The following CNKSR3 variants were observed in gnomAD, a reference collection of about 807,000 sequenced individuals.
The protein encoded by CNKSR3 is connector enhancer of kinase suppressor of ras 3.
A neutral mutation model predicts 67.7 loss-of-function variants in CNKSR3; 36 were observed. The ratio of observed to expected loss-of-function variants is 0.53; its 90% CI spans 0.41 to 0.70. The LOEUF (loss-of-function observed/expected upper bound fraction) is 0.70. Ranked by LOEUF, CNKSR3 falls within the 30% of genes least tolerant of loss-of-function variation. The probability of loss-of-function intolerance (pLI) is 0.00; values close to 1 mark genes in which losing one functional copy is unlikely to be tolerated. For synonymous variants in CNKSR3, 281 were observed against 271.4 expected (o/e 1.04, Z -0.35); for missense variants, 630 against 695.2 (o/e 0.91, Z 1.05).
chr6:154,450,673 A>C (rs56359828), intron 1 of CNKSR3, among the ~76,000 whole-genome samples: 90 of 152,318 alleles, frequency 5.9e-4, no homozygotes, highest in African/African-American at 2.1e-3. Flanking sequence ...TGGGTGGCAC[A>C]TGGCCAGGTC....
chr6:154,509,779 C>A (rs1369038360), intron 1 of CNKSR3, among the ~76,000 whole-genome samples: 2 of 152,164 alleles, frequency 1.3e-5, no homozygotes, highest in East Asian at 3.9e-4. Flanking sequence ...GTCCCGAGAT[C>A]GGCATCCCCA....
At chr6:154,486,746 G>A (rs1180364350) in intron 1 of CNKSR3, among the ~76,000 whole-genome samples, 4 of 151,872 alleles carry the variant, frequency 2.6e-5, no homozygotes, top group East Asian at 1.9e-4. Context: ...CGCTTGCCTC[G>A]GCCTCCCAAA....
intron 2 of CNKSR3, among the ~76,000 whole-genome samples, chr6:154,448,464 C>T (rs565568014): frequency 6.8e-5 from 10 of 146,770 alleles, no homozygotes; most frequent in Admixed American, 1.4e-4. Flanking sequence ...AATACAGTTT[C>T]GGTAATAAAC....
chr6:154,422,976 G>A lies in CNKSR3; in HGVS notation c.737C>T (p.Ala246Val). ...VITGTTENSP[A>V]DRSQKIHAGD... ...AGCATGAATCTTCTGAGATCTGTCTGCAGGAGACTGTACAGAAACAAAATA... is the reference window on the plus strand; with the variant it reads ...AGCATGAATCTTCTGAGATCTGTCTACAGGAGACTGTACAGAAACAAAATA... Residue 246 changes from alanine to valine, a missense_variant, in exon 8 of 13, where the codon GCA (alanine) becomes GTA (valine). Ala to Val is a moderately conservative substitution (Grantham distance 64). This residue lies in a region of CNKSR3 where 133 missense variants were observed against 190.6 expected (regional missense o/e 0.70). Coordinates refer to ENST00000607772, the MANE Select transcript of CNKSR3 (RefSeq NM_173515.4). 6.2e-7 allele frequency: 1 copy of A among 1,607,442 alleles called. No homozygotes were observed. Among genetic ancestry groups the A allele is most frequent in the Non-Finnish European group, 8.5e-7 (1 of 1,175,456 alleles).
At chr6:154,498,235 A>T (rs1238546123) in intron 1 of CNKSR3, among the ~76,000 whole-genome samples, 1 of 152,242 alleles carries the variant, frequency 6.6e-6, no homozygotes, top group Non-Finnish European at 1.5e-5. Context: ...ATTACTATGC[A>T]GCCAATTTTA....
At chr6:154,432,136 C>T (rs1429655368) in intron 5 of CNKSR3, among the ~76,000 whole-genome samples, 8 of 152,196 alleles carry the variant, frequency 5.3e-5, no homozygotes, top group African/African-American at 1.2e-4. Flanking sequence ...AATTAACGAG[C>T]GTTCCTGTTG....
chr6:154,476,178 C>T lies in CNKSR3; in HGVS notation c.53-25920G>A, dbSNP rs1039603255. On this transcript the variant is annotated intron_variant, in intron 1 of 12. Transcript: ENST00000607772. ...GGCCTTCTAAGACAGACCTTCGGGC[C>T]GGGCGCGGTGGCTCACACCTGTAAT... is the stretch of plus-strand genomic sequence containing the variant. Among the ~76,000 whole-genome samples, 5 of 152,028 alleles carry T rather than the reference C, an allele frequency of 3.3e-5. No individual in the cohort carries two copies. The South Asian group carries it at 6.2e-4, about 19-fold the overall frequency.
chr6:154,439,850 C>A (rs1459347522), intron 4 of CNKSR3, among the ~76,000 whole-genome samples: 1 of 152,070 alleles, frequency 6.6e-6, no homozygotes, highest in Non-Finnish European at 1.5e-5. Context: ...ACGATTACAC[C>A]CCTGCACTTC....
chr6:154,498,565 CT>C (rs1487090425), intron 1 of CNKSR3, among the ~76,000 whole-genome samples: 1 of 152,226 alleles, frequency 6.6e-6, no homozygotes, highest in African/African-American at 2.4e-5. Flanking sequence ...CACACTGCAA[CT>C]TCTGACATTG....
intron 1 of CNKSR3, among the ~76,000 whole-genome samples, chr6:154,467,790 G>A (rs1338236364): frequency 6.6e-6 from 1 of 151,118 alleles, no homozygotes; most frequent in African/African-American, 2.4e-5. Flanking sequence ...ATGGAGTCTC[G>A]CTCTTGTCGC....
chr6:154,439,137 C>T (rs1173897761), intron 4 of CNKSR3, among the ~76,000 whole-genome samples: 1 of 152,132 alleles, frequency 6.6e-6, no homozygotes, highest in South Asian at 2.1e-4. Flanking sequence ...TCCCCTCACT[C>T]CTTCCTGTGC....
chr6:154,400,104 T>TCAC lies in CNKSR3; in HGVS notation c.*6249_*6250insGTG. 6.6e-6 allele frequency: 1 copy of TCAC among 152,194 alleles called. No individual in the cohort carries two copies. The highest frequency in any genetic ancestry group is 1.9e-4 in the East Asian group (1 of 5,204). 9.4% of individuals were successfully genotyped at this position (152,194 alleles called of 1,614,324 possible). ...CCTTTGAGGTTTATTTCTTAATTTT[T>TCAC]TTCCTCCAACTTCAGTTTCACAACT... On this transcript the variant is annotated 3_prime_UTR_variant, in exon 13 of 13. Coordinates refer to ENST00000607772, the MANE Select transcript of CNKSR3 (RefSeq NM_173515.4).
rs922494736 is a variant in CNKSR3, at chr6:154,456,357, T to C, written c.53-6099A>G. Among the ~76,000 whole-genome samples the C allele has an allele frequency of 2.0e-5, 3 of 151,958 alleles. No individual in the cohort carries two copies. The East Asian group carries it at 5.8e-4, about 29-fold the overall frequency. Reference sequence around the variant, plus strand: ...TAATGATTAAATTCAGAAATCAGTTTAGCTAAAGCTTGTAGACTCTCATCT... The same window carrying C: ...TAATGATTAAATTCAGAAATCAGTTCAGCTAAAGCTTGTAGACTCTCATCT... On this transcript the variant is annotated intron_variant, in intron 1 of 12. Transcript: ENST00000607772.
At chr6:154,493,670 G>A (rs1786823730) in intron 1 of CNKSR3, among the ~76,000 whole-genome samples, 1 of 152,154 alleles carries the variant, frequency 6.6e-6, no homozygotes, top group South Asian at 2.1e-4. Flanking sequence ...AGTTCTGCAG[G>A]CTTTACAGGA....
intron 9 of CNKSR3, among the ~76,000 whole-genome samples, chr6:154,417,926 T>C (rs528058546): frequency 6.6e-6 from 1 of 152,248 alleles, no homozygotes; most frequent in East Asian, 1.9e-4. Context: ...AGAAAGCCCA[T>C]GCTCCCCAGC....
At chr6:154,461,817 C>T (rs1786084451) in intron 1 of CNKSR3, among the ~76,000 whole-genome samples, 1 of 152,218 alleles carries the variant, frequency 6.6e-6, no homozygotes. Flanking sequence ...GATTTAAAGC[C>T]ATTTCCCAGA....
chr6:154,469,590 C>A (rs369510374), intron 1 of CNKSR3, among the ~76,000 whole-genome samples: 2 of 152,154 alleles, frequency 1.3e-5, no homozygotes, highest in African/African-American at 4.8e-5. Context: ...CCACAAAAAG[C>A]CTTCTATCAC....
At chr6:154,449,468 G>A (rs1358620295) in intron 2 of CNKSR3, among the ~76,000 whole-genome samples, 2 of 152,146 alleles carry the variant, frequency 1.3e-5, no homozygotes, top group East Asian at 3.9e-4. Flanking sequence ...GACTATAGGT[G>A]CGTGCTAGCC....
In CNKSR3 at chr6:154,402,233, A is replaced by C. The variant is rs965193310; in HGVS notation, c.*4121T>G. On this transcript the variant is annotated 3_prime_UTR_variant, in exon 13 of 13. Transcript: ENST00000607772. ...CCACTACTGAGATTTAACCTGTTGG[A>C]GCATGCGTGATACACAAGCCCTGCA... is the stretch of plus-strand genomic sequence containing the variant. The C allele has an allele frequency of 6.6e-6, 1 of 152,200 alleles. No individual in the cohort carries two copies. The highest frequency in any genetic ancestry group is 1.5e-5 in the Non-Finnish European group (1 of 68,058). The allele number at this position is 152,200 out of a possible 1,614,324, so 9.4% of individuals were successfully genotyped here. A position where few individuals can be genotyped will look rare whatever the true frequency, so the allele number is the denominator to read the frequency against.
Sources: allele counts gnomAD v4.1 joint callset (sites outside exome capture counted in the v4.1 genomes callset), GRCh38; gene constraint gnomAD v4.1.1; regional missense constraint gnomAD v4.1.1; transcripts MANE v1.5; gene names NCBI Gene and HGNC (gene_info 2026-07-23, HGNC 2026-07-21).